TBCK: variants seen among roughly 807,000 people sequenced by gnomAD.
TBCK encodes the protein TBC domain-containing protein kinase-like protein.
TBCK carries 99 observed loss-of-function variants against 113.4 expected under a neutral mutation model. The observed-to-expected ratio is 0.87, with a 90% CI of 0.74 to 1.03. TBCK has a LOEUF of 1.03. TBCK is among the 50% of genes least tolerant of loss of function. The pLI, the probability that TBCK is intolerant of heterozygous loss-of-function variation, is 0.00. For missense variants in TBCK, 1,045 were observed against 1,061.3 expected (o/e 0.98, Z 0.21); for synonymous variants, 369 against 370.8 (o/e 1.00, Z 0.05).
At chr4:106,200,465 A>AAGAGGTTGAGACTGCAAT (rs1195656186) in intron 20 of TBCK, among the ~76,000 whole-genome samples, 2 of 152,118 alleles carry the variant, frequency 1.3e-5, no homozygotes, top group African/African-American at 2.4e-5. Flanking sequence ...ACTTGAGCCC[A>AAGAGGTTGAGACTGCAAT]AGAGGTTGAG....
chr4:106,127,841 C>A (rs963060445), intron 23 of TBCK, among the ~76,000 whole-genome samples: 1 of 152,048 alleles, frequency 6.6e-6, no homozygotes, highest in African/African-American at 2.4e-5. Flanking sequence ...ATAGGGAATT[C>A]TCATGATATA....
intron 23 of TBCK, among the ~76,000 whole-genome samples, chr4:106,145,185 G>A (rs191430009): frequency 5.8e-4 from 88 of 152,098 alleles, no homozygotes; most frequent in Admixed American, 9.8e-4. Context: ...GGGAGTGGTC[G>A]CGTGAGCCTG....
At position 106,137,940 on chromosome 4, in the gene TBCK, T is replaced by A. The variant is rs1437003097; in HGVS notation, c.2236-21562A>T. Among the ~76,000 whole-genome samples the A allele has an allele frequency of 3.5e-5, 5 of 141,050 alleles. 2 individuals carry two copies. Among genetic ancestry groups the A allele is most frequent in the Non-Finnish European group, 8.1e-5 (5 of 61,984 alleles). The allele number at this position is 141,050 out of a possible 152,430, so 92.5% of individuals were successfully genotyped here. On this transcript the variant is annotated intron_variant, in intron 23 of 25. Transcript: ENST00000394708. Reference sequence around the variant, plus strand: ...CATTTTATCTCTCTGGGCCTCAGTTTTCTCAAATGATGGGCAGGAGTAGAC... The same window carrying A: ...CATTTTATCTCTCTGGGCCTCAGTTATCTCAAATGATGGGCAGGAGTAGAC...
At position 106,168,389 on chromosome 4, in the gene TBCK, A is replaced by AGG. The variant is rs1278243367; in HGVS notation, c.2235+2705_2235+2706insCC. On this transcript the variant is annotated intron_variant, in intron 23 of 25. Coordinates refer to ENST00000394708, the MANE Select transcript of TBCK (RefSeq NM_001163435.3). ...TACAAAAACCTACAGCTCACACAAT[A>AGG]CTTTCTGGTGACACCCTAGAAGCCT... Among the ~76,000 whole-genome samples, 9 of 152,006 alleles carry AGG rather than the reference A, an allele frequency of 5.9e-5. No homozygotes were observed. The East Asian group carries it at 1.7e-3, about 29-fold the overall frequency.
chr4:106,219,842 G>T (rs976012098), intron 19 of TBCK, among the ~76,000 whole-genome samples: 1 of 151,894 alleles, frequency 6.6e-6, no homozygotes, highest in Non-Finnish European at 1.5e-5. Context: ...TTTTGAAATT[G>T]AAATGACAAT....
At chr4:106,107,599 C>A (rs912209929) in intron 24 of TBCK, among the ~76,000 whole-genome samples, 13 of 152,086 alleles carry the variant, frequency 8.5e-5, no homozygotes, top group Admixed American at 3.3e-4. Context: ...AACAAAGATA[C>A]AACATACCAG....
chr4:106,280,390 T>C (rs992627234), intron 3 of TBCK, among the ~76,000 whole-genome samples: 3 of 152,144 alleles, frequency 2.0e-5, no homozygotes, highest in African/African-American at 7.2e-5. Flanking sequence ...CTCTTCACTT[T>C]TTAAATTGTT....
At chr4:106,209,453 A>G (rs1051875936) in intron 20 of TBCK, among the ~76,000 whole-genome samples, 1 of 152,162 alleles carries the variant, frequency 6.6e-6, no homozygotes, top group Non-Finnish European at 1.5e-5. Context: ...TTTTAAATTT[A>G]TGTTTTATAC....
intron 23 of TBCK, among the ~76,000 whole-genome samples, chr4:106,123,321 T>G (rs1744702555): frequency 6.6e-6 from 1 of 152,176 alleles, no homozygotes; most frequent in Non-Finnish European, 1.5e-5. Flanking sequence ...ACAAGGCATG[T>G]GAAGGACCTC....
intron 20 of TBCK, among the ~76,000 whole-genome samples, chr4:106,195,628 T>C (rs565223262): frequency 6.6e-6 from 1 of 152,084 alleles, no homozygotes; most frequent in East Asian, 1.9e-4. Context: ...AAAACAAAGG[T>C]AGAGGAAGGA....
At chr4:106,130,589 T>TACACACAC (rs70941237) in intron 23 of TBCK, among the ~76,000 whole-genome samples, 2,296 of 142,488 alleles carry the variant, frequency 0.016, 35 homozygotes, top group African/African-American at 0.03. Flanking sequence ...TTGCGCTAAA[T>TACACACAC]ACACACACAC....
intron 20 of TBCK, among the ~76,000 whole-genome samples, chr4:106,198,350 T>A (rs1754495842): frequency 6.6e-6 from 1 of 152,170 alleles, no homozygotes; most frequent in South Asian, 2.1e-4. Context: ...AGTAGTATTA[T>A]TATTAATATC....
At chr4:106,256,683 C>T (rs1762027365) in intron 5 of TBCK, among the ~76,000 whole-genome samples, 1 of 152,160 alleles carries the variant, frequency 6.6e-6, no homozygotes, top group Non-Finnish European at 1.5e-5. Context: ...ACGTGGGGCT[C>T]CTGCCTGCTC....
intron 19 of TBCK, among the ~76,000 whole-genome samples, chr4:106,215,294 G>A (rs1453733151): frequency 1.3e-5 from 2 of 151,878 alleles, no homozygotes; most frequent in South Asian, 2.1e-4. Flanking sequence ...AGACTACGAA[G>A]AAACTGCATC....
intron 24 of TBCK, 54 bp from the exon 25 acceptor site, chr4:106,095,695 G>C: frequency 3.3e-6 from 5 of 1,521,512 alleles, no homozygotes; most frequent in South Asian, 2.5e-5. Flanking sequence ...CTGAGTGTCT[G>C]AGGGAAACTC....
At chr4:106,281,703 T>C (rs1250595272) in intron 3 of TBCK, among the ~76,000 whole-genome samples, 2 of 152,150 alleles carry the variant, frequency 1.3e-5, no homozygotes, top group Non-Finnish European at 2.9e-5. Flanking sequence ...TCTGTTGATA[T>C]TATGCATCAT....
intron 20 of TBCK, among the ~76,000 whole-genome samples, chr4:106,195,492 T>TGTGTGTGTGTGTGTGTGTGTGTGTG (rs371211369): frequency 2.0e-5 from 3 of 148,936 alleles, no homozygotes; most frequent in Admixed American, 6.7e-5. Flanking sequence ...ATGTGTGTGT[T>TGTGTGTGTGTGTGTGTGTGTGTGTG]TGTGTGTGTG....
intron 11 of TBCK, 55 bp downstream of exon 11, chr4:106,244,557 TATTATTACCATAGA>T: frequency 8.1e-7 from 1 of 1,242,224 alleles, no homozygotes; most frequent in Non-Finnish European, 1.0e-6. Flanking sequence ...TTTTCTTTTT[TATTATTACCATAGA>T]ATTATTACCA....
At chr4:106,225,529 G>A (rs1453994008) in intron 19 of TBCK, among the ~76,000 whole-genome samples, 1 of 151,952 alleles carries the variant, frequency 6.6e-6, no homozygotes, top group Non-Finnish European at 1.5e-5. Context: ...GCGCAATCTC[G>A]GTTCACTGCA....
Sources: allele counts gnomAD v4.1 joint callset (sites outside exome capture counted in the v4.1 genomes callset), GRCh38; gene constraint gnomAD v4.1.1; transcripts MANE v1.5; gene names NCBI Gene and HGNC (gene_info 2026-07-23, HGNC 2026-07-21).